Variants in MDM4 observed in about 807,000 individuals in gnomAD.
The protein encoded by MDM4 is MDM4 regulator of p53, also known as protein Mdm4.
Under a neutral mutation model 60.2 loss-of-function variants are expected in MDM4, and 2 were observed. The ratio of observed to expected loss-of-function variants is 0.03; its 90% CI spans 0.01 to 0.10. The LOEUF is 0.10. Among genes scored for constraint, MDM4 ranks in the 10% least tolerant of loss-of-function variants. MDM4 has a pLI of 1.00. For synonymous variants in MDM4, 202 were observed against 198.1 expected (o/e 1.02, Z -0.17); for missense variants, 447 against 577.5 (o/e 0.77, Z 2.32).
chr1:204,526,672 C>G (rs1401949600), intron 3 of MDM4, among the ~76,000 whole-genome samples: 1 of 152,040 alleles, frequency 6.6e-6, no homozygotes, highest in Non-Finnish European at 1.5e-5. Flanking sequence ...ACCGTGTTAG[C>G]CAGGATGGTC....
intron 2 of MDM4, among the ~76,000 whole-genome samples, chr1:204,525,986 G>A (rs570051367): frequency 6.6e-6 from 1 of 152,226 alleles, no homozygotes; most frequent in African/African-American, 2.4e-5. Flanking sequence ...TGGGCGAGGT[G>A]GGTCATGCCT....
intron 6 of MDM4, chr1:204,537,754 T>A (rs1231582898): frequency 9.9e-6 from 6 of 603,756 alleles, no homozygotes; most frequent in Non-Finnish European, 1.8e-5. Flanking sequence ...TGGGTTTGTG[T>A]GTACCTGTGT....
chr1:204,551,107 A>G lies in MDM4; in HGVS notation c.*1425A>G, dbSNP rs980046781. The G allele has an allele frequency of 5.8e-5, 11 of 189,734 alleles. No individual in the cohort carries two copies. The highest frequency in any genetic ancestry group is 1.9e-4 in the South Asian group (1 of 5,164). The allele number at this position is 189,734 out of a possible 1,614,324, so 11.8% of individuals were successfully genotyped here. On this transcript the variant is annotated 3_prime_UTR_variant, in exon 11 of 11. Coordinates refer to ENST00000367182, the MANE Select transcript of MDM4 (RefSeq NM_002393.5). ...GCCCAGGCTGGAGTGCACTGGCACA[A>G]TCACAGTTCACTGCAGCCTCGACCT...
At chr1:204,528,107 A>G (rs1393750230) in intron 3 of MDM4, among the ~76,000 whole-genome samples, 1 of 103,674 alleles carries the variant, frequency 9.6e-6, no homozygotes, top group African/African-American at 3.5e-5. Flanking sequence ...TTATCCTTTT[A>G]TTGAAGCTTA....
At chr1:204,542,232 A>G (rs551090911) in intron 7 of MDM4, among the ~76,000 whole-genome samples, 1 of 152,330 alleles carries the variant, frequency 6.6e-6, no homozygotes. Flanking sequence ...CATACGAATT[A>G]TTGAGAATTG....
intron 10 of MDM4, among the ~76,000 whole-genome samples, chr1:204,547,491 A>C (rs1018670300): frequency 4.6e-5 from 7 of 152,188 alleles, no homozygotes; most frequent in Non-Finnish European, 1.5e-5. Flanking sequence ...GTAACACACT[A>C]TGGGAAAAAG....
Position 204,546,895 on chromosome 1 carries a change from G to C in MDM4, c.903+18G>C. 1 of 1,516,984 alleles carries C rather than the reference G, an allele frequency of 6.6e-7. No individual in the cohort carries two copies. Among genetic ancestry groups the C allele is most frequent in the East Asian group, 2.3e-5 (1 of 44,276 alleles). 94.0% of individuals were successfully genotyped at this position (1,516,984 alleles called of 1,614,324 possible). ...CCTCTGAGGTATGAATCTTTAGCAA[G>C]AACTATTTTGCACCAGCCCCATCTT... On this transcript the variant is annotated intron_variant, in intron 10 of 10. Transcript: ENST00000367182.
At chr1:204,516,862 T>C (rs1659026486) in intron 1 of MDM4, among the ~76,000 whole-genome samples, 1 of 152,196 alleles carries the variant, frequency 6.6e-6, no homozygotes. Flanking sequence ...CCGGGTAGAA[T>C]GACATTGACG....
chr1:204,524,775 AAAAT>A (rs998555335), intron 1 of MDM4, among the ~76,000 whole-genome samples: 23 of 152,374 alleles, frequency 1.5e-4, no homozygotes, highest in African/African-American at 3.1e-4. Context: ...ACTGTGTCTC[AAAAT>A]AAATAAATAA....
Position 204,534,666 on chromosome 1 carries a change from T to A in MDM4, c.343+2420T>A, listed in dbSNP as rs190848784. Among the ~76,000 whole-genome samples, 556 of 152,138 alleles carry A rather than the reference T, an allele frequency of 3.7e-3. 3 individuals are homozygous for A. Among genetic ancestry groups the A allele is most frequent in the Middle Eastern group, 0.021 (6 of 292 alleles). ...CCACACCTGGCTAGTTTTTTGTATA[T>A]TTTTTTGTAGGTACAGGTTTTCTGC... is the stretch of plus-strand genomic sequence containing the variant. On this transcript the variant is annotated intron_variant, in intron 5 of 10. Coordinates refer to ENST00000367182, the MANE Select transcript of MDM4 (RefSeq NM_002393.5).
intron 10 of MDM4, among the ~76,000 whole-genome samples, chr1:204,547,812 C>T (rs754813614): frequency 6.6e-6 from 1 of 152,248 alleles, no homozygotes; most frequent in Non-Finnish European, 1.5e-5. Flanking sequence ...CAACTTCCGC[C>T]TCCCGGCTTC....
rs1207588261 is a variant in MDM4 at position 204,554,377 on chromosome 1, A to G, written c.*4695A>G. 3 of 226,164 alleles carry G rather than the reference A, an allele frequency of 1.3e-5. No individual in the cohort carries two copies. The highest frequency in any genetic ancestry group is 6.7e-5 in the African/African-American group (3 of 44,972). The allele number at this position is 226,164 out of a possible 1,614,324, so 14.0% of individuals were successfully genotyped here. Reference sequence around the variant, plus strand: ...ATATCCTAACGAGCAATTAGTTCTGATGGTTCTCCCAGTCATGAGTGTGCA... The same window carrying G: ...ATATCCTAACGAGCAATTAGTTCTGGTGGTTCTCCCAGTCATGAGTGTGCA... On this transcript the variant is annotated 3_prime_UTR_variant, in exon 11 of 11. Transcript: ENST00000367182.
intron 5 of MDM4, among the ~76,000 whole-genome samples, chr1:204,533,782 C>CT (rs59912938): frequency 0.56 from 78,353 of 139,186 alleles, 24,302 homozygotes; most frequent in Non-Finnish European, 0.68. Context: ...TTTTCTTTTT[C>CT]TTTTTTTTTT....
intron 6 of MDM4, chr1:204,537,711 C>A: frequency 1.6e-6 from 1 of 606,256 alleles, no homozygotes; most frequent in Middle Eastern, 2.8e-4. Context: ...TGTAGCACTT[C>A]TGATCTTCAG....
Position 204,556,279 on chromosome 1 carries a change from G to A in MDM4, c.*6597G>A, listed in dbSNP as rs1183541217. 1.3e-5 allele frequency: 3 copies of A among 227,084 alleles called. No homozygotes were observed. Among genetic ancestry groups the A allele is most frequent in the African/African-American group, 6.7e-5 (3 of 44,974 alleles). The allele number at this position is 227,084 out of a possible 1,614,324, so 14.1% of individuals were successfully genotyped here. On this transcript the variant is annotated 3_prime_UTR_variant, in exon 11 of 11. Coordinates refer to ENST00000367182, the MANE Select transcript of MDM4 (RefSeq NM_002393.5). ...GGGAAATGTTTCTGTTGCAGAGTTA[G>A]GCGGTAGATGGGAAGCTGTGATGGC... is the stretch of plus-strand genomic sequence containing the variant.
At chr1:204,531,673 A>G (rs1660867477) in intron 4 of MDM4, among the ~76,000 whole-genome samples, 1 of 152,188 alleles carries the variant, frequency 6.6e-6, no homozygotes, top group Non-Finnish European at 1.5e-5. Flanking sequence ...TCTACTAAAA[A>G]TACAAAAAAT....
At chr1:204,524,957 G>T (rs1039626644) in intron 1 of MDM4, among the ~76,000 whole-genome samples, 2 of 151,848 alleles carry the variant, frequency 1.3e-5, no homozygotes, top group African/African-American at 4.8e-5. Flanking sequence ...TAATTGCTGT[G>T]TTTTTTTCTG....
intron 3 of MDM4, 75 bp from the exon 4 acceptor site, chr1:204,530,609 C>G: frequency 6.4e-7 from 1 of 1,571,848 alleles, no homozygotes; most frequent in South Asian, 1.1e-5. Flanking sequence ...AACTAACTTA[C>G]CTTACCTCCT....
chr1:204,544,450 T>C (rs1485153143), intron 8 of MDM4, 85 bp from the exon 9 acceptor site: 1 of 1,349,606 alleles, frequency 7.4e-7, no homozygotes, highest in Non-Finnish European at 1.0e-6. Flanking sequence ...TGTGACGACA[T>C]TGAGTTTTGG....
Sources: gnomAD v4.1 joint callset for allele counts (sites outside exome capture counted in the v4.1 genomes callset) on GRCh38, gnomAD v4.1.1 for gene constraint, MANE v1.5 for transcripts, NCBI Gene and HGNC (gene_info 2026-07-23, HGNC 2026-07-21) for gene names.